The following BTLA variants were observed in gnomAD, a reference collection of about 807,000 sequenced individuals.
BTLA encodes the protein B- and T-lymphocyte attenuator.
BTLA carries 11 observed loss-of-function variants against 25.0 expected under a neutral mutation model. The observed-to-expected ratio is 0.44, with a 90% CI of 0.28 to 0.73. BTLA has a LOEUF of 0.73. Among genes scored for constraint, BTLA ranks in the 30% least tolerant of loss-of-function variants. The pLI is 0.15. For missense variants in BTLA, 282 were observed against 332.8 expected (o/e 0.85, Z 1.19); for synonymous variants, 104 against 119.8 (o/e 0.87, Z 0.86).
rs552291082 is a variant in BTLA at position 112,480,025 on chromosome 3, C to A, written c.89-256G>T. On this transcript the variant is annotated intron_variant, in intron 1 of 4. Transcript: ENST00000334529. ...GCTAAGCCATCATATACCCTGTGAC[C>A]TGCACGTATACATCCAGATGGCCTG... Among the ~76,000 whole-genome samples the A allele has an allele frequency of 1.2e-4, 19 of 152,306 alleles. No homozygotes were observed. The South Asian group carries it at 3.9e-3, about 32-fold the overall frequency.
At position 112,477,092 on chromosome 3, in the gene BTLA, T is replaced by C. The variant is rs149254486; in HGVS notation, c.403+2363A>G. Among the ~76,000 whole-genome samples, 631 of 152,290 alleles carry C rather than the reference T, an allele frequency of 4.1e-3. 10 individuals are homozygous for C. The highest frequency in any genetic ancestry group is 0.015 in the African/African-American group (612 of 41,564). The stretch of plus-strand genomic sequence containing the variant: ...TTTATCCATTCATCAGCTGAACATT[T>C]AGGTTGTTTCTACCTTTTGGCTATT... On this transcript the variant is annotated intron_variant, in intron 2 of 4. Transcript: ENST00000334529.
chr3:112,489,202 C>A (rs1232161740), intron 1 of BTLA, among the ~76,000 whole-genome samples: 1 of 152,094 alleles, frequency 6.6e-6, no homozygotes, highest in African/African-American at 2.4e-5. Context: ...AAATATTTAA[C>A]AAGTGACACT....
chr3:112,487,515 G>A (rs1311264361), intron 1 of BTLA, among the ~76,000 whole-genome samples: 1 of 152,082 alleles, frequency 6.6e-6, no homozygotes, highest in Non-Finnish European at 1.5e-5. Context: ...AACCCAGGAG[G>A]CGGAGGTTGC....
chr3:112,488,223 TTTTTC>T (rs1410196813), intron 1 of BTLA, among the ~76,000 whole-genome samples: 2 of 46,948 alleles, frequency 4.3e-5, no homozygotes, highest in African/African-American at 1.3e-4. Context: ...TCCGTTTTCT[TTTTTC>T]TTTTTTTTTT....
chr3:112,467,164 T>G (rs1055042872), intron 4 of BTLA, among the ~76,000 whole-genome samples: 23 of 152,010 alleles, frequency 1.5e-4, no homozygotes, highest in African/African-American at 5.1e-4. Flanking sequence ...GTTTCACCAT[T>G]TTAGCCAGGA....
chr3:112,476,187 G>A (rs2082287700), intron 2 of BTLA, among the ~76,000 whole-genome samples: 1 of 152,318 alleles, frequency 6.6e-6, no homozygotes, highest in Non-Finnish European at 1.5e-5. Context: ...TGCATGGATG[G>A]TCACAAGTAA....
At chr3:112,498,568 C>CTTTTTTTTTTTTT (rs34606026) in intron 1 of BTLA, among the ~76,000 whole-genome samples, 1 of 83,880 alleles carries the variant, frequency 1.2e-5, no homozygotes, top group Non-Finnish European at 2.2e-5. Flanking sequence ...AAGAAATTGC[C>CTTTTTTTTTTTTT]TTTTTTTTTT....
chr3:112,469,649 AGT>A (rs1553730270), intron 4 of BTLA, 107 bp downstream of exon 4: 3 of 471,086 alleles, frequency 6.4e-6, no homozygotes, highest in African/African-American at 4.7e-5. Flanking sequence ...ATATATATAT[AGT>A]ACATAGAATA....
At chr3:112,496,137 G>A (rs748153466) in intron 1 of BTLA, among the ~76,000 whole-genome samples, 1 of 152,144 alleles carries the variant, frequency 6.6e-6, no homozygotes. Context: ...TGGAATCCTT[G>A]GTTGATCCTC....
chr3:112,466,271 A>G lies in BTLA; in HGVS notation c.707T>C (p.Met236Thr), dbSNP rs761899549. Residue 236 changes from methionine to threonine, a missense_variant, in exon 5 of 5, where the codon ATG (methionine) becomes ACG (threonine). Transcript: ENST00000334529. ...AGAATAAACTTCAGACCCTTCCTGC[A>G]TCCTGAAACAAAGGTCAGGGTCATT... ...YDNDPDLCFR[M>T]QEGSEVYSNP... 3 of 1,614,106 alleles carry G rather than the reference A, an allele frequency of 1.9e-6. No homozygotes were observed. The highest frequency in any genetic ancestry group is 2.7e-5 in the African/African-American group (2 of 75,068).
intron 1 of BTLA, among the ~76,000 whole-genome samples, chr3:112,485,884 G>A (rs1559828551): frequency 6.6e-6 from 1 of 152,178 alleles, no homozygotes. Context: ...AGGCCGAGGC[G>A]AGTGGATCAC....
rs527245533 is a variant in BTLA, at chr3:112,498,316, A to G, written c.88+955T>C. Among the ~76,000 whole-genome samples the G allele has an allele frequency of 2.6e-5, 4 of 152,192 alleles. No individual in the cohort carries two copies. The East Asian group carries it at 7.7e-4, about 29-fold the overall frequency. On this transcript the variant is annotated intron_variant, in intron 1 of 4. Coordinates refer to ENST00000334529, the MANE Select transcript of BTLA (RefSeq NM_181780.4). ...CAGCTACTAGGGACGCTGAGGCAGG[A>G]GAATAAATTGAACCCGGGAGGAAGA... is the stretch of plus-strand genomic sequence containing the variant.
intron 1 of BTLA, among the ~76,000 whole-genome samples, chr3:112,481,417 G>T (rs2082317465): frequency 6.6e-6 from 1 of 152,244 alleles, no homozygotes; most frequent in Non-Finnish European, 1.5e-5. Flanking sequence ...CTTACCAATT[G>T]CACCTTATGG....
At position 112,479,517 on chromosome 3, in the gene BTLA, C is replaced by A. The variant is rs1281144243; in HGVS notation, c.341G>T (p.Arg114Leu). Residue 114 changes from arginine to leucine, a missense_variant, in exon 2 of 5, where the codon CGC becomes CTC. Physicochemically the swap from Arg to Leu is moderately radical, Grantham distance 102. Coordinates refer to ENST00000334529, the MANE Select transcript of BTLA (RefSeq NM_181780.4). The part of the protein sequence containing the change: ...PVLPNDNGSY[R>L]CSANFQSNLI... ...ATTAGACTGAAAATTTGCAGAACAGCGGTATGACCCATTGTCATTAGGAAG... is the reference window on the plus strand; with the variant it reads ...ATTAGACTGAAAATTTGCAGAACAGAGGTATGACCCATTGTCATTAGGAAG... 2 of 1,613,884 alleles carry A rather than the reference C, an allele frequency of 1.2e-6. No homozygotes were observed. The highest frequency in any genetic ancestry group is 1.7e-6 in the Non-Finnish European group (2 of 1,179,944).
At chr3:112,497,115 C>A (rs1372763933) in intron 1 of BTLA, among the ~76,000 whole-genome samples, 2 of 152,154 alleles carry the variant, frequency 1.3e-5, no homozygotes, top group African/African-American at 4.8e-5. Context: ...TTATTTTTAA[C>A]TTTAAAAACT....
At chr3:112,498,189 G>A (rs529209060) in intron 1 of BTLA, among the ~76,000 whole-genome samples, 1 of 152,266 alleles carries the variant, frequency 6.6e-6, no homozygotes, top group African/African-American at 2.4e-5. Context: ...GAGTGTTGCA[G>A]TGCTCAGTTG....
intron 2 of BTLA, among the ~76,000 whole-genome samples, chr3:112,475,682 G>A (rs941117070): frequency 9.9e-5 from 15 of 152,040 alleles, no homozygotes; most frequent in South Asian, 8.3e-4. Flanking sequence ...TTCATGTCTC[G>A]TATAGAAGTA....
At chr3:112,494,409 T>C (rs903880882) in intron 1 of BTLA, among the ~76,000 whole-genome samples, 2 of 152,192 alleles carry the variant, frequency 1.3e-5, no homozygotes, top group Admixed American at 1.3e-4. Context: ...ACTGGGTATA[T>C]ACTCAAAGGA....
At chr3:112,480,545 C>G (rs973919028) in intron 1 of BTLA, among the ~76,000 whole-genome samples, 1 of 152,278 alleles carries the variant, frequency 6.6e-6, no homozygotes, top group African/African-American at 2.4e-5. Context: ...TAGCAAAGGC[C>G]TTTGTGCTGC....
Sources: allele counts gnomAD v4.1 joint callset (sites outside exome capture counted in the v4.1 genomes callset), GRCh38; gene constraint gnomAD v4.1.1; transcripts MANE v1.5; gene names NCBI Gene and HGNC (gene_info 2026-07-23, HGNC 2026-07-21).